Variants in EDEM2 observed in about 807,000 individuals in gnomAD.
EDEM2 encodes ER degradation-enhancing alpha-mannosidase-like protein 2.
A neutral mutation model predicts 64.8 loss-of-function variants in EDEM2; 39 were observed. That is an observed-to-expected ratio of 0.60 (90% CI 0.47 to 0.79). The LOEUF (loss-of-function observed/expected upper bound fraction) is 0.79. Among genes scored for constraint, EDEM2 ranks in the 30% least tolerant of loss-of-function variants. The pLI is 0.00. For synonymous variants in EDEM2, 296 were observed against 291.5 expected (o/e 1.02, Z -0.16); for missense variants, 609 against 731.3 (o/e 0.83, Z 1.93).
chr20:35,126,495 G>A, intron 7 of EDEM2, 120 bp from the exon 8 acceptor site: 1 of 1,239,216 alleles, frequency 8.1e-7, no homozygotes, highest in Non-Finnish European at 1.1e-6. Context: ...ATGAGGCAAG[G>A]AGGCTAGACA....
intron 10 of EDEM2, 31 bp from the exon 11 acceptor site, chr20:35,115,964 A>G (rs1600698029): frequency 1.3e-6 from 2 of 1,598,700 alleles, no homozygotes; most frequent in Middle Eastern, 1.7e-4. Flanking sequence ...GCAAGCTGGA[A>G]CACCATCACA....
At chr20:35,142,536 G>A in intron 3 of EDEM2, 58 bp from the exon 4 acceptor site, 2 of 1,330,308 alleles carry the variant, frequency 1.5e-6, no homozygotes, top group Non-Finnish European at 2.1e-6. Context: ...GGCAGATTCA[G>A]AGTCTGGGAT....
chr20:35,141,119 CAA>C (rs58702725), intron 4 of EDEM2, among the ~76,000 whole-genome samples: 2 of 29,386 alleles, frequency 6.8e-5, no homozygotes, highest in Admixed American at 5.1e-4. Context: ...GACTCCGCCT[CAA>C]AAAAAAAAAA....
At chr20:35,126,508 A>C (rs2085435053) in intron 7 of EDEM2, 133 bp from the exon 8 acceptor site, 1 of 1,111,964 alleles carries the variant, frequency 9.0e-7, no homozygotes, top group African/African-American at 1.6e-5. Flanking sequence ...GCTAGACAAG[A>C]GCATGGATTC....
intron 5 of EDEM2, among the ~76,000 whole-genome samples, chr20:35,135,228 G>C (rs2085559973): frequency 6.6e-6 from 1 of 152,218 alleles, no homozygotes; most frequent in Non-Finnish European, 1.5e-5. Flanking sequence ...TTTAGCTAGA[G>C]AGCTTTACCT....
chr20:35,118,504 G>A (rs1473350443), intron 10 of EDEM2, 94 bp downstream of exon 10: 1 of 1,578,568 alleles, frequency 6.3e-7, no homozygotes, highest in South Asian at 1.1e-5. Context: ...TTCTAGTGCT[G>A]ATATGTCAGA....
intron 7 of EDEM2, 46 bp downstream of exon 7, chr20:35,131,596 A>C: frequency 6.3e-7 from 1 of 1,597,524 alleles, no homozygotes; most frequent in African/African-American, 1.3e-5. Context: ...ATCACACATC[A>C]GCAAGAAAAA....
intron 3 of EDEM2, among the ~76,000 whole-genome samples, chr20:35,144,672 T>A (rs2085704439): frequency 6.6e-6 from 1 of 152,156 alleles, no homozygotes. Context: ...GCCACTAGAA[T>A]GTAAGCCTCT....
chr20:35,126,455 C>T, intron 7 of EDEM2, 80 bp from the exon 8 acceptor site: 1 of 1,539,192 alleles, frequency 6.5e-7, no homozygotes, highest in Non-Finnish European at 8.8e-7. Flanking sequence ...GAAGCGAGAA[C>T]TTACACTTTG....
chr20:35,145,602 G>A (rs1392013352), intron 2 of EDEM2, among the ~76,000 whole-genome samples: 2 of 152,212 alleles, frequency 1.3e-5, no homozygotes, highest in African/African-American at 2.4e-5. Context: ...ACAGAAAGCA[G>A]ACAGCAATTG....
chr20:35,128,829 C>T (rs1001633893), intron 7 of EDEM2, among the ~76,000 whole-genome samples: 5 of 150,660 alleles, frequency 3.3e-5, no homozygotes, highest in South Asian at 2.1e-4. Context: ...CAGAAAAAAA[C>T]TTAGAGAATA....
chr20:35,141,650 G>A (rs1450072610), intron 4 of EDEM2, among the ~76,000 whole-genome samples: 1 of 152,188 alleles, frequency 6.6e-6, no homozygotes, highest in Non-Finnish European at 1.5e-5. Context: ...GTGGTCTAGA[G>A]GTTCGATGCA....
Position 35,130,551 on chromosome 20 carries a change from AG to A in EDEM2, c.844+1090del, listed in dbSNP as rs534554495. On this transcript the variant is annotated intron_variant, in intron 7 of 10. Coordinates refer to ENST00000374492, the MANE Select transcript of EDEM2 (RefSeq NM_018217.3). ...TCAAAATATCTTTGTTTTTTTAGAG[AG>A]GGGGTCTTACTATATTGCCCAGGCT... 1.5e-4 allele frequency among the ~76,000 whole-genome samples: 23 copies of A among 152,228 alleles called. 1 individual carries two copies. Among genetic ancestry groups the A allele is most frequent in the African/African-American group, 5.3e-4 (22 of 41,524 alleles).
intron 2 of EDEM2, 44 bp from the exon 3 acceptor site, chr20:35,145,062 A>G (rs1490007314): frequency 6.2e-7 from 1 of 1,606,626 alleles, no homozygotes; most frequent in Non-Finnish European, 8.5e-7. Context: ...AGAAAATCAA[A>G]TACCAGATAT....
chr20:35,147,060 G>T, intron 1 of EDEM2, 92 bp downstream of exon 1: 1 of 1,543,042 alleles, frequency 6.5e-7, no homozygotes, highest in Non-Finnish European at 8.8e-7. Flanking sequence ...CGGCTGTGTC[G>T]GAGCAAGTCG....
chr20:35,136,655 A>C (rs1021012146), intron 5 of EDEM2, among the ~76,000 whole-genome samples: 1 of 146,712 alleles, frequency 6.8e-6, no homozygotes, highest in African/African-American at 2.5e-5. Flanking sequence ...CAGGAGGCTG[A>C]GGTGGGAGAA....
chr20:35,126,732 G>C (rs561912758), intron 7 of EDEM2, among the ~76,000 whole-genome samples: 24 of 152,252 alleles, frequency 1.6e-4, no homozygotes, highest in Non-Finnish European at 3.4e-4. Flanking sequence ...GACCAACACG[G>C]AGAAACCCTG....
Position 35,115,414 on chromosome 20 carries a change from T to G in EDEM2, c.*19A>C. ...TAGTTTAGCCTCAAAAAAATAAAAA[T>G]AAAAAAATTATCCAGTGGTTATGAG... On this transcript the variant is annotated 3_prime_UTR_variant, in exon 11 of 11. Coordinates refer to ENST00000374492, the MANE Select transcript of EDEM2 (RefSeq NM_018217.3). The G allele has an allele frequency of 3.2e-6, 5 of 1,585,708 alleles. No individual in the cohort carries two copies. The highest frequency in any genetic ancestry group is 4.3e-6 in the Non-Finnish European group (5 of 1,169,620).
At chr20:35,132,327 T>C in intron 6 of EDEM2, among the ~76,000 whole-genome samples, 1 of 151,948 alleles carries the variant, frequency 6.6e-6, no homozygotes, top group Non-Finnish European at 1.5e-5. Context: ...TTTTTTTTTT[T>C]AATTGTTCAG....
Sources: gnomAD v4.1 joint callset for allele counts (sites outside exome capture counted in the v4.1 genomes callset) on GRCh38, gnomAD v4.1.1 for gene constraint, MANE v1.5 for transcripts, NCBI Gene and HGNC (gene_info 2026-07-23, HGNC 2026-07-21) for gene names.